The following ELFN1 variants were observed in gnomAD, a reference collection of about 807,000 sequenced individuals.
ELFN1 encodes the protein protein ELFN1.
Under a neutral mutation model 7.6 loss-of-function variants are expected in ELFN1, and 6 were observed. The observed-to-expected ratio is 0.79, with a 90% CI of 0.43 to 1.56. ELFN1 has a LOEUF of 1.56. Ranked by LOEUF, ELFN1 falls within the 40% of genes most tolerant of loss-of-function variation. The pLI is 0.01. For missense variants in ELFN1, 1,169 were observed against 1,232.2 expected (o/e 0.95, Z 0.77); for synonymous variants, 657 against 588.1 (o/e 1.12, Z -1.70).
chr7:1,741,146 AAAG>A (rs1358486849), intron 3 of ELFN1, among the ~76,000 whole-genome samples: 2 of 151,254 alleles, frequency 1.3e-5, no homozygotes, highest in African/African-American at 2.4e-5. Flanking sequence ...AAAAAAAAAA[AAAG>A]AAGAAAGAAA....
intron 1 of ELFN1, among the ~76,000 whole-genome samples, chr7:1,680,000 T>C (rs1000970630): frequency 2.6e-5 from 4 of 152,212 alleles, no homozygotes; most frequent in African/African-American, 9.7e-5. Flanking sequence ...TGTGTGCAGG[T>C]GCACAGTTCA....
intron 3 of ELFN1, among the ~76,000 whole-genome samples, chr7:1,732,236 G>A (rs1247761904): frequency 6.6e-6 from 1 of 152,162 alleles, no homozygotes; most frequent in East Asian, 1.9e-4. Context: ...TTGGGGTGCT[G>A]GGAGGGGTTC....
intron 1 of ELFN1, among the ~76,000 whole-genome samples, chr7:1,677,993 A>T (rs1778904599): frequency 6.6e-6 from 1 of 152,054 alleles, no homozygotes; most frequent in Admixed American, 6.5e-5. Flanking sequence ...CATTGTCCCC[A>T]CAGAGCAAGA....
intron 3 of ELFN1, among the ~76,000 whole-genome samples, chr7:1,731,816 A>T (rs1780330741): frequency 6.6e-6 from 1 of 152,070 alleles, no homozygotes; most frequent in South Asian, 2.1e-4. Flanking sequence ...CGCCTGGCTA[A>T]TTTTTGTATT....
In ELFN1 at chr7:1,746,648, A is replaced by ACCCGCGGCCG. The variant is rs1780805912; in HGVS notation, c.2055_2064dup (p.Val689ArgfsTer304). 1 of 1,356,804 alleles carries ACCCGCGGCCG rather than the reference A, an allele frequency of 7.4e-7. No homozygotes were observed. The highest frequency in any genetic ancestry group is 1.6e-5 in the African/African-American group (1 of 64,280). 84.0% of individuals were successfully genotyped at this position (1,356,804 alleles called of 1,614,324 possible). A position where few individuals can be genotyped will look rare whatever the true frequency, so the allele number is the denominator to read the frequency against. On this transcript the variant is annotated frameshift_variant, in exon 4 of 4. Coordinates refer to ENST00000424383, the MANE Select transcript of ELFN1 (RefSeq NM_001128636.4). LOFTEE classifies it low-confidence loss of function (END_TRUNC). ...CGGCCGACGCCATCCTCACTGTGACACCCGCGGCCGCCGTGCTGCGGGCCG... is the reference window on the plus strand; with the variant it reads ...CGGCCGACGCCATCCTCACTGTGACACCCGCGGCCGCCCGCGGCCGCCGTGCTGCGGGCCG...
intron 1 of ELFN1, among the ~76,000 whole-genome samples, chr7:1,672,747 A>G (rs991797225): frequency 2.6e-5 from 4 of 151,846 alleles, no homozygotes; most frequent in Non-Finnish European, 4.4e-5. Context: ...CGACAAGCCA[A>G]TTCCCCATTT....
intron 1 of ELFN1, among the ~76,000 whole-genome samples, chr7:1,687,301 T>C (rs1053864602): frequency 6.6e-6 from 1 of 152,092 alleles, no homozygotes. Context: ...GGAGAGAAGA[T>C]TTGGTGACCT....
At chr7:1,727,321 G>A (rs1177689879) in intron 3 of ELFN1, among the ~76,000 whole-genome samples, 6 of 152,206 alleles carry the variant, frequency 3.9e-5, no homozygotes, top group Non-Finnish European at 5.9e-5. Context: ...CTTTTATTCT[G>A]ATGGGGTTAT....
chr7:1,701,625 C>A (rs1397679214), intron 2 of ELFN1, among the ~76,000 whole-genome samples: 10 of 151,920 alleles, frequency 6.6e-5, no homozygotes, highest in Non-Finnish European at 1.0e-4. Context: ...GCCTAGGCAA[C>A]ATGGCAAGAC....
In ELFN1 at chr7:1,670,731, C is replaced by T. The variant is rs962893142; in HGVS notation, c.-549+377C>T. Among the ~76,000 whole-genome samples, 3 of 152,210 alleles carry T rather than the reference C, an allele frequency of 2.0e-5. No individual in the cohort carries two copies. Among genetic ancestry groups the T allele is most frequent in the Non-Finnish European group, 4.4e-5 (3 of 68,026 alleles). ...GCGCCCCCCAGACGCGGCCCCCTGC[C>T]CTTCCCTTCCCGGAAATTAGGGGGC... On this transcript the variant is annotated intron_variant, in intron 1 of 3. Coordinates refer to ENST00000424383, the MANE Select transcript of ELFN1 (RefSeq NM_001128636.4). The surrounding 1 kb of genome is among the most constrained non-coding windows in gnomAD (Gnocchi z 6.4).
At chr7:1,684,717 T>C (rs1779034510) in intron 1 of ELFN1, among the ~76,000 whole-genome samples, 1 of 152,214 alleles carries the variant, frequency 6.6e-6, no homozygotes, top group African/African-American at 2.4e-5. Flanking sequence ...TATGGTAAAA[T>C]ATAGAAACTT....
chr7:1,692,207 A>G (rs1380125618), intron 2 of ELFN1: 3 of 152,124 alleles, frequency 2.0e-5, no homozygotes, highest in East Asian at 3.9e-4. Context: ...TAGCACTCCT[A>G]TTTTTAGAAG....
intron 2 of ELFN1, among the ~76,000 whole-genome samples, chr7:1,691,263 A>T (rs1263190639): frequency 6.6e-6 from 1 of 152,186 alleles, no homozygotes; most frequent in Non-Finnish European, 1.5e-5. Context: ...CACTGATCCC[A>T]GCAGACAGGA....
At position 1,695,164 on chromosome 7, in the gene ELFN1, C is replaced by T. The variant is rs1163796132; in HGVS notation, c.-456+7014C>T. On this transcript the variant is annotated intron_variant, in intron 2 of 3. Transcript: ENST00000424383. The surrounding 1 kb of genome is among the most constrained non-coding windows in gnomAD (Gnocchi z 5.1). ...GCTCTGTGGCTCCAGAGCTCATGCG[C>T]AGCCCGCTGGGGCTGTGAGGGTTCT... Among the ~76,000 whole-genome samples the T allele has an allele frequency of 2.6e-5, 4 of 152,242 alleles. No individual in the cohort carries two copies. Among genetic ancestry groups the T allele is most frequent in the South Asian group, 2.1e-4 (1 of 4,830 alleles).
chr7:1,734,872 A>AT (rs1780403323), intron 3 of ELFN1, among the ~76,000 whole-genome samples: 1 of 151,388 alleles, frequency 6.6e-6, no homozygotes, highest in Admixed American at 6.6e-5. Context: ...AAATTTTTTT[A>AT]TTTTTTGTAA....
Position 1,745,376 on chromosome 7 carries a change from C to G in ELFN1, c.780C>G (p.Val260=). 1.3e-6 allele frequency: 2 copies of G among 1,538,890 alleles called. No homozygotes were observed. The highest frequency in any genetic ancestry group is 1.7e-6 in the Non-Finnish European group (2 of 1,145,838). Residue 260 remains valine (V), a synonymous_variant, in exon 4 of 4, where the codon GTC becomes GTG. Transcript: ENST00000424383. ...CTEDSYAAEV[V]GPPRPASGRS... ...AGGACTCGTACGCGGCTGAGGTGGT[C>G]GGGCCCCCACGTCCAGCATCCGGGC...
intron 3 of ELFN1, among the ~76,000 whole-genome samples, chr7:1,718,798 TTC>T (rs1779913356): frequency 6.6e-6 from 1 of 152,112 alleles, no homozygotes; most frequent in Non-Finnish European, 1.5e-5. Context: ...ATTGTTCAGA[TTC>T]CCTCTCGCCC....
chr7:1,666,592 A>T (rs1391687508), upstream of ELFN1, among the ~76,000 whole-genome samples: 1 of 151,706 alleles, frequency 6.6e-6, no homozygotes, highest in Non-Finnish European at 1.5e-5. The surrounding 1 kb of genome is among the most constrained non-coding windows in gnomAD (Gnocchi z 7.9). Flanking sequence ...GGGACCCCGA[A>T]ACTTTCCGGA....
rs1032755255 is a variant in ELFN1, at chr7:1,673,040, G to A, written c.-549+2686G>A. 6.6e-6 allele frequency among the ~76,000 whole-genome samples: 1 copy of A among 152,126 alleles called. No individual in the cohort carries two copies. The highest frequency in any genetic ancestry group is 2.4e-5 in the African/African-American group (1 of 41,420). ...TTCCAGGCGTGAACCTGGAGCGGAT[G>A]GTGGCACCGCCGCGGACATTGGATA... On this transcript the variant is annotated intron_variant, in intron 1 of 3. Coordinates refer to ENST00000424383, the MANE Select transcript of ELFN1 (RefSeq NM_001128636.4). This position sits in a 1 kb window ranked among gnomAD's most constrained non-coding sequence, Gnocchi z 4.7.
Sources: gnomAD v4.1 joint callset for allele counts (sites outside exome capture counted in the v4.1 genomes callset) on GRCh38, gnomAD v4.1.1 for gene constraint, Gnocchi (gnomAD v3.1) non-coding constraint, MANE v1.5 for transcripts, NCBI Gene and HGNC (gene_info 2026-07-23, HGNC 2026-07-21) for gene names.